EVL: variants seen among roughly 807,000 people sequenced by gnomAD.
EVL encodes the protein ena/VASP-like protein.
A neutral mutation model predicts 59.6 loss-of-function variants in EVL; 21 were observed. The observed-to-expected ratio is 0.35, with a 90% confidence interval of 0.25 to 0.51. EVL has a LOEUF of 0.51. Ranked by LOEUF, EVL falls within the 20% of genes least tolerant of loss-of-function variation. EVL has a pLI of 0.97. For missense variants in EVL, 462 were observed against 546.6 expected (o/e 0.85, Z 1.54); for synonymous variants, 198 against 203.5 (o/e 0.97, Z 0.23).
At chr14:100,088,742 G>A (rs953664078) in intron 2 of EVL, among the ~76,000 whole-genome samples, 2 of 152,150 alleles carry the variant, frequency 1.3e-5, no homozygotes, top group African/African-American at 4.8e-5. Flanking sequence ...TAAATGAAGA[G>A]GAAAGGCACT....
intron 1 of EVL, among the ~76,000 whole-genome samples, chr14:100,025,611 G>C (rs115219765): frequency 0.01 from 1,536 of 152,224 alleles, 33 homozygotes; most frequent in African/African-American, 0.035. Flanking sequence ...CAGAACCTAA[G>C]TGCCACAAGG....
intron 2 of EVL, among the ~76,000 whole-genome samples, chr14:100,092,755 CAAAA>C (rs1373868106): frequency 6.6e-6 from 1 of 151,940 alleles, no homozygotes; most frequent in African/African-American, 2.4e-5. Flanking sequence ...AACAAACAAA[CAAAA>C]AGAATGAAAT....
At position 100,107,457 on chromosome 14, in the gene EVL, C is replaced by A. The variant is rs534849376; in HGVS notation, c.358+9799C>A. The A allele has an allele frequency of 7.6e-6, 3 of 396,868 alleles. No individual in the cohort carries two copies. In the South Asian group the frequency reaches 4.3e-4, roughly 57 times the overall value. The allele number at this position is 396,868 out of a possible 1,614,324, so 24.6% of individuals were successfully genotyped here. ...ACATTTACAGATGACAAAACCAAGA[C>A]CCAGTGAGGGGGAGGATGTGTGCAG... is the stretch of plus-strand genomic sequence containing the variant. On this transcript the variant is annotated intron_variant, in intron 3 of 13. Transcript: ENST00000392920.
At chr14:100,003,667 C>T (rs2060960268) in intron 1 of EVL, among the ~76,000 whole-genome samples, 1 of 152,106 alleles carries the variant, frequency 6.6e-6, no homozygotes, top group Admixed American at 6.6e-5. Flanking sequence ...TCACTGCCCT[C>T]CTTGGTCTCT....
intron 2 of EVL, among the ~76,000 whole-genome samples, chr14:100,095,295 C>G (rs1359155507): frequency 6.6e-6 from 1 of 152,172 alleles, no homozygotes; most frequent in Non-Finnish European, 1.5e-5. Flanking sequence ...CTACTGTCCA[C>G]TAGAAATGCA....
chr14:100,090,602 T>G (rs2062544611), intron 2 of EVL, among the ~76,000 whole-genome samples: 1 of 152,060 alleles, frequency 6.6e-6, no homozygotes, highest in African/African-American at 2.4e-5. Flanking sequence ...AAAAAGAAAA[T>G]TTTGAAAAAT....
intron 1 of EVL, among the ~76,000 whole-genome samples, chr14:99,980,264 A>G (rs559258787): frequency 6.6e-6 from 1 of 152,328 alleles, no homozygotes; most frequent in East Asian, 1.9e-4. Flanking sequence ...CAGATACTTG[A>G]TCATATCAGT....
In EVL at chr14:100,108,524, G is replaced by A. The variant is rs943170756; in HGVS notation, c.358+10866G>A. Among the ~76,000 whole-genome samples the A allele has an allele frequency of 5.8e-4, 89 of 152,148 alleles. No individual in the cohort carries two copies. The highest frequency in any genetic ancestry group is 1.9e-3 in the African/African-American group (80 of 41,436). ...CGGCCACTTTCTGAAAGCCGGATAT[G>A]TCTCTTTGCTGACCCACCCCTGTTC... is the stretch of plus-strand genomic sequence containing the variant. On this transcript the variant is annotated intron_variant, in intron 3 of 13. Coordinates refer to ENST00000392920, the MANE Select transcript of EVL (RefSeq NM_016337.3). This position sits in a 1 kb window ranked among gnomAD's most constrained non-coding sequence, Gnocchi z 4.1.
intron 1 of EVL, among the ~76,000 whole-genome samples, chr14:100,038,496 C>T (rs2061419820): frequency 6.6e-6 from 1 of 152,190 alleles, no homozygotes; most frequent in South Asian, 2.1e-4. Flanking sequence ...AGCCAGGGCT[C>T]TTAGTCCCAA....
chr14:100,057,429 G>A (rs1472437857), intron 1 of EVL, among the ~76,000 whole-genome samples: 4 of 152,120 alleles, frequency 2.6e-5, no homozygotes, highest in African/African-American at 2.4e-5. Flanking sequence ...CTTTCCAGAT[G>A]CTGTAACTCT....
chr14:100,072,544 T>G (rs1001322516), intron 1 of EVL, among the ~76,000 whole-genome samples: 3 of 152,212 alleles, frequency 2.0e-5, no homozygotes, highest in Non-Finnish European at 4.4e-5. Flanking sequence ...CTGTATTAGA[T>G]TTTTAGTAAA....
chr14:100,012,847 C>A (rs1008803689), intron 1 of EVL, among the ~76,000 whole-genome samples: 8 of 152,204 alleles, frequency 5.3e-5, no homozygotes, highest in African/African-American at 1.9e-4. Flanking sequence ...CTAAGACTTA[C>A]AATGTATGAC....
chr14:99,993,338 G>A (rs535843689), intron 1 of EVL, among the ~76,000 whole-genome samples: 3 of 152,174 alleles, frequency 2.0e-5, no homozygotes, highest in Non-Finnish European at 4.4e-5. Context: ...GATTACAGGC[G>A]TGAGCCACCG....
Position 100,137,626 on chromosome 14 carries a change from T to C in EVL, c.1013T>C (p.Val338Ala). ...WERSNSVEKP[V>A]SSILSRTPSV... ...CGGAGCAACTCGGTGGAGAAGCCTG[T>C]GTCCTCGATTCTGTCCAGGTGAGCT... is the stretch of plus-strand genomic sequence containing the variant. Residue 338 changes from valine (V) to alanine (A), a missense_variant, in exon 10 of 14, where the codon GTG (valine) becomes GCG (alanine). Physicochemically the swap from Val to Ala is moderately conservative, Grantham distance 64 (BLOSUM62 0). Coordinates refer to ENST00000392920, the MANE Select transcript of EVL (RefSeq NM_016337.3). 6.2e-7 allele frequency: 1 copy of C among 1,614,106 alleles called. No individual in the cohort carries two copies. The highest frequency in any genetic ancestry group is 8.5e-7 in the Non-Finnish European group (1 of 1,180,032).
intron 1 of EVL, chr14:100,053,015 G>C (rs2061670744): frequency 6.6e-6 from 1 of 152,196 alleles, no homozygotes; most frequent in South Asian, 2.1e-4. Flanking sequence ...GTGCACATGA[G>C]AGCATGCACA....
intron 1 of EVL, among the ~76,000 whole-genome samples, chr14:100,017,047 T>C (rs2061056681): frequency 6.6e-6 from 1 of 152,220 alleles, no homozygotes; most frequent in South Asian, 2.1e-4. Flanking sequence ...GGAGAGCATG[T>C]TGGAGTTAGC....
chr14:100,140,934 T>C (rs2140409071), intron 11 of EVL: 4 of 465,662 alleles, frequency 8.6e-6, no homozygotes, highest in Non-Finnish European at 1.5e-5. Context: ...AGCAGTTTCT[T>C]TGTTGACCCC....
intron 1 of EVL, among the ~76,000 whole-genome samples, chr14:100,026,989 T>G (rs574674999): frequency 3.6e-4 from 55 of 152,216 alleles, no homozygotes; most frequent in African/African-American, 1.3e-3. Context: ...GGAGAGAGAA[T>G]AGAGCAGGTA....
chr14:100,047,810 T>G (rs1242417770), intron 1 of EVL, among the ~76,000 whole-genome samples: 1 of 152,110 alleles, frequency 6.6e-6, no homozygotes, highest in African/African-American at 2.4e-5. Flanking sequence ...AGTCCAGAAA[T>G]AGGTCCCGAC....
Sources: allele counts gnomAD v4.1 joint callset (sites outside exome capture counted in the v4.1 genomes callset), GRCh38; gene constraint gnomAD v4.1.1; non-coding constraint Gnocchi (gnomAD v3.1); transcripts MANE v1.5; gene names NCBI Gene and HGNC (gene_info 2026-07-23, HGNC 2026-07-21).